Variants in CNTNAP2 observed in about 807,000 individuals in gnomAD.
CNTNAP2 encodes the protein contactin-associated protein-like 2.
CNTNAP2 carries 98 observed loss-of-function variants against 155.2 expected under a neutral mutation model. The ratio of observed to expected loss-of-function variants is 0.63; its 90% confidence interval spans 0.54 to 0.75. The LOEUF (loss-of-function observed/expected upper bound fraction) is 0.75, where lower values mean the gene tolerates loss of function less well. CNTNAP2 is among the 30% of genes least tolerant of loss of function. The pLI, the probability that CNTNAP2 is intolerant of heterozygous loss-of-function variation, is 0.00. For synonymous variants in CNTNAP2, 651 were observed against 631.2 expected (o/e 1.03, Z -0.47); for missense variants, 1,727 against 1,688.1 (o/e 1.02, Z -0.40).
intron 10 of CNTNAP2, among the ~76,000 whole-genome samples, chr7:147,445,680 G>C (rs561077512): frequency 5.7e-4 from 87 of 152,284 alleles, no homozygotes; most frequent in African/African-American, 1.9e-3. Flanking sequence ...AGTGGGTCCA[G>C]AATTATTTTA....
At chr7:146,993,413 C>CCA (rs1227935533) in intron 3 of CNTNAP2, among the ~76,000 whole-genome samples, 1 of 152,142 alleles carries the variant, frequency 6.6e-6, no homozygotes, top group Non-Finnish European at 1.5e-5. Flanking sequence ...GTAAACTCTG[C>CCA]CATTTTGCTT....
At chr7:146,227,418 C>G (rs1163332259) in intron 1 of CNTNAP2, among the ~76,000 whole-genome samples, 1 of 122,662 alleles carries the variant, frequency 8.2e-6, no homozygotes, top group Non-Finnish European at 1.6e-5. Context: ...GAGTGAGACT[C>G]TGTCTCAAAC....
At chr7:146,905,125 A>T (rs879775200) in intron 3 of CNTNAP2, among the ~76,000 whole-genome samples, 1 of 152,014 alleles carries the variant, frequency 6.6e-6, no homozygotes, top group African/African-American at 2.4e-5. Context: ...ACTAGTAACA[A>T]TGCCTACCTC....
At chr7:147,606,334 C>T (rs1450481089) in intron 12 of CNTNAP2, among the ~76,000 whole-genome samples, 1 of 152,116 alleles carries the variant, frequency 6.6e-6, no homozygotes, top group Non-Finnish European at 1.5e-5. Flanking sequence ...TTATTGCCTT[C>T]CTGTGAAGTG....
intron 14 of CNTNAP2, among the ~76,000 whole-genome samples, chr7:147,907,065 T>A (rs1799969393): frequency 6.6e-6 from 1 of 152,126 alleles, no homozygotes; most frequent in Non-Finnish European, 1.5e-5. Context: ...ATGAATATTT[T>A]TTTTTTTAAG....
chr7:147,661,177 C>T (rs1369916027), intron 13 of CNTNAP2, among the ~76,000 whole-genome samples: 1 of 152,120 alleles, frequency 6.6e-6, no homozygotes, highest in Non-Finnish European at 1.5e-5. Context: ...CAGCCCCTAA[C>T]TTCAGTGTTT....
At chr7:146,484,277 C>A (rs1049993625) in intron 1 of CNTNAP2, among the ~76,000 whole-genome samples, 1 of 152,158 alleles carries the variant, frequency 6.6e-6, no homozygotes, top group Non-Finnish European at 1.5e-5. Context: ...CACCACATTT[C>A]TCAGAATATT....
At chr7:148,025,901 CA>C (rs371117386) in intron 15 of CNTNAP2, among the ~76,000 whole-genome samples, 128 of 152,232 alleles carry the variant, frequency 8.4e-4, no homozygotes, top group African/African-American at 3.0e-3. Context: ...TATTAAGATG[CA>C]TATGTGGCTA....
intron 1 of CNTNAP2, among the ~76,000 whole-genome samples, chr7:146,651,738 C>T (rs1308487197): frequency 6.6e-6 from 1 of 152,146 alleles, no homozygotes; most frequent in East Asian, 1.9e-4. Context: ...GCTACAAAAA[C>T]CAATGAACTA....
At chr7:147,555,136 C>G (rs73464915) in intron 11 of CNTNAP2, among the ~76,000 whole-genome samples, 5,143 of 152,222 alleles carry the variant, frequency 0.034, 131 homozygotes, top group African/African-American at 0.057. Context: ...AAGTCAGTTT[C>G]ATGGTTTCTA....
intron 22 of CNTNAP2, among the ~76,000 whole-genome samples, chr7:148,397,051 G>A (rs76945464): frequency 0.037 from 5,693 of 152,258 alleles, 350 homozygotes; most frequent in African/African-American, 0.12. Flanking sequence ...TATTTTATTT[G>A]TTGAAATGCT....
chr7:147,853,679 C>A (rs1379700751), intron 13 of CNTNAP2, among the ~76,000 whole-genome samples: 2 of 152,260 alleles, frequency 1.3e-5, no homozygotes, highest in South Asian at 2.1e-4. Context: ...CTGGATGAAC[C>A]ATTGCCATAA....
At chr7:146,829,290 T>TATCCA (rs1803465210) in intron 2 of CNTNAP2, among the ~76,000 whole-genome samples, 1 of 152,050 alleles carries the variant, frequency 6.6e-6, no homozygotes, top group African/African-American at 2.4e-5. Context: ...AGAAGGTTAA[T>TATCCA]GATTTTCATA....
chr7:148,005,213 C>T (rs1391779822), intron 15 of CNTNAP2, among the ~76,000 whole-genome samples: 1 of 152,204 alleles, frequency 6.6e-6, no homozygotes, highest in African/African-American at 2.4e-5. Context: ...AGTCTGCCAA[C>T]TTCTCCTTAT....
chr7:146,631,774 A>G (rs1037562401), intron 1 of CNTNAP2, among the ~76,000 whole-genome samples: 15 of 152,204 alleles, frequency 9.9e-5, no homozygotes, highest in Middle Eastern at 3.4e-3. Flanking sequence ...ACTGGCTGGT[A>G]TTTTTTTAAG....
chr7:146,920,452 T>C (rs1172571270), intron 3 of CNTNAP2, among the ~76,000 whole-genome samples: 1 of 151,648 alleles, frequency 6.6e-6, no homozygotes, highest in East Asian at 1.9e-4. Flanking sequence ...GATAAATAGG[T>C]TAATTACCTT....
intron 1 of CNTNAP2, among the ~76,000 whole-genome samples, chr7:146,694,820 C>A (rs181069320): frequency 1.3e-4 from 20 of 151,738 alleles, no homozygotes; most frequent in African/African-American, 4.8e-4. Flanking sequence ...ATTTTGTCGG[C>A]CTTATATCTA....
intron 10 of CNTNAP2, among the ~76,000 whole-genome samples, chr7:147,397,404 A>G (rs1329488632): frequency 6.6e-6 from 1 of 152,016 alleles, no homozygotes; most frequent in Non-Finnish European, 1.5e-5. Flanking sequence ...TTTCTTCATA[A>G]TAGTTATGGA....
At chr7:146,641,350 A>G (rs761517179) in intron 1 of CNTNAP2, among the ~76,000 whole-genome samples, 1 of 152,184 alleles carries the variant, frequency 6.6e-6, no homozygotes, top group African/African-American at 2.4e-5. Context: ...AAATACATAA[A>G]TAAATTAAAA....
Sources: allele counts gnomAD v4.1 joint callset (sites outside exome capture counted in the v4.1 genomes callset), GRCh38; gene constraint gnomAD v4.1.1; transcripts MANE v1.5; gene names NCBI Gene and HGNC (gene_info 2026-07-23, HGNC 2026-07-21).